The following PPARGC1A variants were observed in gnomAD, a reference collection of about 807,000 sequenced individuals.
PPARGC1A encodes the protein PPARG coactivator 1 alpha, also known as peroxisome proliferator-activated receptor gamma coactivator 1-alpha.
A neutral mutation model predicts 88.7 loss-of-function variants in PPARGC1A; 25 were observed. The observed-to-expected ratio is 0.28, with a 90% CI of 0.21 to 0.39. PPARGC1A has a LOEUF of 0.39. Among genes scored for constraint, PPARGC1A ranks in the 10% least tolerant of loss-of-function variants. PPARGC1A has a pLI of 1.00. For missense variants in PPARGC1A, 880 were observed against 968.7 expected, an observed-to-expected ratio of 0.91 and a Z score of 1.22; for synonymous variants, 363 against 355.6, an observed-to-expected ratio of 1.02 and a Z score of -0.24.
the PPARGC1A span, among the ~76,000 whole-genome samples, chr4:24,282,562 A>G: frequency 6.6e-6 from 1 of 152,216 alleles, no homozygotes; most frequent in African/African-American, 2.4e-5. Context: ...TGTATGGTTA[A>G]TTCTGTAAGG....
intron 2 of PPARGC1A, among the ~76,000 whole-genome samples, chr4:23,853,547 C>T (rs183597913): frequency 2.8e-4 from 43 of 152,094 alleles, no homozygotes; most frequent in African/African-American, 1.0e-3. Context: ...ACCTGATAAG[C>T]ACTTAGGCAC....
At chr4:24,176,746 T>C in the PPARGC1A span, among the ~76,000 whole-genome samples, 2 of 151,776 alleles carry the variant, frequency 1.3e-5, no homozygotes, top group Non-Finnish European at 2.9e-5. Flanking sequence ...GACAGTCACA[T>C]GGGAGGTGGG....
At chr4:23,968,983 A>G in the PPARGC1A span, among the ~76,000 whole-genome samples, 1 of 152,172 alleles carries the variant, frequency 6.6e-6, no homozygotes, top group Admixed American at 6.6e-5. Context: ...CCAGAACTTC[A>G]TAGCTTGCAA....
At chr4:24,191,555 C>G in the PPARGC1A span, among the ~76,000 whole-genome samples, 1 of 152,168 alleles carries the variant, frequency 6.6e-6, no homozygotes, top group East Asian at 1.9e-4. Flanking sequence ...GGACATCCAC[C>G]AAAAGCCGAT....
chr4:23,946,736 T>G, the PPARGC1A span, among the ~76,000 whole-genome samples: 29 of 151,990 alleles, frequency 1.9e-4, no homozygotes, highest in Non-Finnish European at 3.5e-4. Flanking sequence ...ATGGAATTTA[T>G]CCTTCAAGCT....
chr4:24,424,396 C>T, the PPARGC1A span, among the ~76,000 whole-genome samples: 1 of 151,020 alleles, frequency 6.6e-6, no homozygotes, highest in African/African-American at 2.4e-5. Flanking sequence ...CTGCCTCAGC[C>T]TCCCGAGTAG....
chr4:23,863,854 C>T (rs573586543), intron 2 of PPARGC1A, among the ~76,000 whole-genome samples: 85 of 152,302 alleles, frequency 5.6e-4, no homozygotes, highest in African/African-American at 1.9e-3. Flanking sequence ...TCAAGTGATT[C>T]TCCTGCCTCA....
the PPARGC1A span, among the ~76,000 whole-genome samples, chr4:24,056,176 G>A: frequency 7.2e-5 from 11 of 152,320 alleles, no homozygotes; most frequent in African/African-American, 2.6e-4. Flanking sequence ...TTCACAGGTG[G>A]GAATGAAATG....
chr4:24,156,970 T>C, the PPARGC1A span, among the ~76,000 whole-genome samples: 1 of 152,132 alleles, frequency 6.6e-6, no homozygotes, highest in Non-Finnish European at 1.5e-5. Context: ...ACAGTTCCCA[T>C]CCCTTCGCTA....
At chr4:24,132,663 T>A in the PPARGC1A span, among the ~76,000 whole-genome samples, 1 of 152,254 alleles carries the variant, frequency 6.6e-6, no homozygotes, top group South Asian at 2.1e-4. Context: ...CATTGGGGTC[T>A]TGAAGATAAA....
chr4:24,134,224 A>C, the PPARGC1A span, among the ~76,000 whole-genome samples: 113 of 152,364 alleles, frequency 7.4e-4, no homozygotes, highest in Non-Finnish European at 7.3e-4. Flanking sequence ...TGGAGTTATC[A>C]GAATTAAGGG....
At chr4:24,018,986 T>C in the PPARGC1A span, among the ~76,000 whole-genome samples, 4 of 152,214 alleles carry the variant, frequency 2.6e-5, no homozygotes, top group African/African-American at 9.7e-5. Context: ...TGTGAGTATA[T>C]ATTTATGCTC....
the PPARGC1A span, among the ~76,000 whole-genome samples, chr4:23,998,755 A>G: frequency 6.6e-6 from 1 of 152,210 alleles, no homozygotes; most frequent in Non-Finnish European, 1.5e-5. Context: ...GGAGAACAAG[A>G]GGTTGCTTCC....
At chr4:23,888,382 T>C (rs1717264501) in intron 1 of PPARGC1A, among the ~76,000 whole-genome samples, 1 of 152,182 alleles carries the variant, frequency 6.6e-6, no homozygotes, top group Admixed American at 6.5e-5. Flanking sequence ...TTCCATATGA[T>C]CTAGTTCCTC....
chr4:23,865,910 T>A (rs1407133870), intron 2 of PPARGC1A, among the ~76,000 whole-genome samples: 2 of 152,114 alleles, frequency 1.3e-5, no homozygotes, highest in Non-Finnish European at 2.9e-5. Context: ...AATCTACACA[T>A]GCAGTTATAT....
chr4:23,980,822 C>G, the PPARGC1A span, among the ~76,000 whole-genome samples: 2 of 152,102 alleles, frequency 1.3e-5, no homozygotes, highest in Non-Finnish European at 2.9e-5. Context: ...ACTGAAGTCC[C>G]ACATGGGTGC....
chr4:24,448,813 A>G, the PPARGC1A span, among the ~76,000 whole-genome samples: 1 of 152,194 alleles, frequency 6.6e-6, no homozygotes, highest in Non-Finnish European at 1.5e-5. Context: ...ACTTTATAAA[A>G]TTAGGGAAGA....
chr4:24,226,307 AC>A, the PPARGC1A span, among the ~76,000 whole-genome samples: 1 of 152,082 alleles, frequency 6.6e-6, no homozygotes, highest in African/African-American at 2.4e-5. Context: ...TACACTGCCG[AC>A]CCAGCCTGCA....
the PPARGC1A span, among the ~76,000 whole-genome samples, chr4:23,931,213 T>A: frequency 6.6e-6 from 1 of 152,112 alleles, no homozygotes; most frequent in African/African-American, 2.4e-5. Flanking sequence ...AATGTGTGTG[T>A]CACGCGTTAT....
Sources: allele counts gnomAD v4.1 joint callset (sites outside exome capture counted in the v4.1 genomes callset), GRCh38; gene constraint gnomAD v4.1.1; transcripts MANE v1.5; gene names NCBI Gene and HGNC (gene_info 2026-07-23, HGNC 2026-07-21).